CNTN4: variants seen among roughly 807,000 people sequenced by gnomAD.
The protein encoded by CNTN4 is contactin-4.
CNTN4 carries 77 observed loss-of-function variants against 122.5 expected under a neutral mutation model. The observed-to-expected ratio is 0.63, with a 90% CI of 0.52 to 0.76. CNTN4 has a LOEUF of 0.76. Ranked by LOEUF, CNTN4 falls within the 30% of genes least tolerant of loss-of-function variation. CNTN4 has a pLI of 0.00. For missense variants in CNTN4, 1,256 were observed against 1,259.1 expected, an observed-to-expected ratio of 1.00 and a Z score of 0.04; for synonymous variants, 512 against 447.0, an observed-to-expected ratio of 1.15 and a Z score of -1.83.
At chr3:2,756,266 T>G (rs765804955) in intron 6 of CNTN4, among the ~76,000 whole-genome samples, 1 of 152,212 alleles carries the variant, frequency 6.6e-6, no homozygotes, top group Non-Finnish European at 1.5e-5. Flanking sequence ...TGTGATCATA[T>G]GAGGAGGTGG....
intron 2 of CNTN4, among the ~76,000 whole-genome samples, chr3:2,304,458 A>G (rs2042632615): frequency 6.6e-6 from 1 of 152,152 alleles, no homozygotes; most frequent in Non-Finnish European, 1.5e-5. Flanking sequence ...TAGTACTTTT[A>G]AAAATTTTAC....
At chr3:2,452,910 C>A (rs2048880169) in intron 3 of CNTN4, among the ~76,000 whole-genome samples, 1 of 152,056 alleles carries the variant, frequency 6.6e-6, no homozygotes, top group Non-Finnish European at 1.5e-5. Flanking sequence ...TAAAAAATCA[C>A]CTTTTTTTGT....
rs192222193 is a variant in CNTN4, at chr3:2,398,232, A to G, written c.-89+58999A>G. The stretch of plus-strand genomic sequence containing the variant: ...TTAAAGAATAGGATTTATATCCAAA[A>G]AGTTTCCTGAAATAAATAGATTGTG... On this transcript the variant is annotated intron_variant, in intron 3 of 24. Transcript: ENST00000418658. Among the ~76,000 whole-genome samples the G allele has an allele frequency of 2.7e-3, 412 of 152,262 alleles. 4 individuals are homozygous for G. The highest frequency in any genetic ancestry group is 9.1e-3 in the African/African-American group (379 of 41,572).
intron 3 of CNTN4, among the ~76,000 whole-genome samples, chr3:2,423,397 A>G (rs1489730399): frequency 6.6e-6 from 1 of 152,116 alleles, no homozygotes; most frequent in Admixed American, 6.6e-5. Context: ...GCGTTTAATG[A>G]ACATTGATCA....
chr3:2,293,287 T>C (rs1053533138), intron 2 of CNTN4, among the ~76,000 whole-genome samples: 1 of 152,250 alleles, frequency 6.6e-6, no homozygotes, highest in Non-Finnish European at 1.5e-5. Flanking sequence ...TACTATCTTA[T>C]ACTGTGACCC....
Position 2,370,697 on chromosome 3 carries a change from G to A in CNTN4, c.-89+31464G>A, listed in dbSNP as rs149332037. Among the ~76,000 whole-genome samples the A allele has an allele frequency of 9.5e-4, 144 of 152,290 alleles. 1 individual carries two copies. Among genetic ancestry groups the A allele is most frequent in the African/African-American group, 3.3e-3 (139 of 41,564 alleles). ...AGGTATCCTCTGATATTTTGTGTAA[G>A]TGAATGTGTTACTTATTGTTAACCA... On this transcript the variant is annotated intron_variant, in intron 3 of 24. Transcript: ENST00000418658.
intron 2 of CNTN4, among the ~76,000 whole-genome samples, chr3:2,140,293 G>A (rs1378661894): frequency 6.6e-6 from 1 of 152,174 alleles, no homozygotes; most frequent in African/African-American, 2.4e-5. Context: ...GGATTGATGA[G>A]AAAACAGAGC....
chr3:2,742,606 C>G (rs1210220097), intron 5 of CNTN4, among the ~76,000 whole-genome samples: 3 of 151,994 alleles, frequency 2.0e-5, no homozygotes, highest in South Asian at 4.1e-4. Context: ...ATTTTACCCT[C>G]CAGAGTGTCA....
At chr3:2,735,560 T>G (rs149613537) in intron 4 of CNTN4, among the ~76,000 whole-genome samples, 41 of 152,354 alleles carry the variant, frequency 2.7e-4, no homozygotes, top group Non-Finnish European at 4.4e-4. Flanking sequence ...TGGGCGTTAC[T>G]GAGTCATCTG....
intron 12 of CNTN4, among the ~76,000 whole-genome samples, chr3:2,906,490 T>A (rs144559759): frequency 9.6e-4 from 146 of 151,556 alleles, no homozygotes; most frequent in South Asian, 2.1e-3. Flanking sequence ...ATAAAAAAAA[T>A]AAAAATTTTG....
chr3:2,716,657 A>C (rs1277821847), intron 4 of CNTN4, among the ~76,000 whole-genome samples: 1 of 152,196 alleles, frequency 6.6e-6, no homozygotes, highest in East Asian at 1.9e-4. Flanking sequence ...TAGTAGTTTT[A>C]AAATGTATAA....
At chr3:2,882,796 G>C (rs898518436) in intron 8 of CNTN4, 4 of 241,026 alleles carry the variant, frequency 1.7e-5, no homozygotes, top group Admixed American at 1.0e-4. Flanking sequence ...TTTTTCTGCA[G>C]TATACTTCCA....
chr3:2,676,432 G>T (rs1371696008), intron 4 of CNTN4, among the ~76,000 whole-genome samples: 6 of 152,218 alleles, frequency 3.9e-5, no homozygotes, highest in African/African-American at 1.2e-4. Flanking sequence ...ATGTTGGCCA[G>T]ACTGGCGTCA....
rs113302826 is a variant in CNTN4, at chr3:2,933,101, T to C, written c.1358+7322T>C. Among the ~76,000 whole-genome samples the C allele has an allele frequency of 4.1e-4, 63 of 152,140 alleles. 1 individual carries two copies. Among genetic ancestry groups the C allele is most frequent in the Middle Eastern group, 3.4e-3 (1 of 294 alleles). On this transcript the variant is annotated intron_variant, in intron 13 of 24. Transcript: ENST00000418658. The stretch of plus-strand genomic sequence containing the variant: ...CCTCCCAAAGTGCTGGGATTACAGG[T>C]GTGAGCCACCGCGCCCGGCCCAGAT...
At chr3:2,617,419 CTTT>C (rs71058631) in intron 4 of CNTN4, among the ~76,000 whole-genome samples, 4 of 108,524 alleles carry the variant, frequency 3.7e-5, no homozygotes, top group Admixed American at 1.2e-4. Context: ...AGAGAAATGC[CTTT>C]TTTTTTTTTT....
rs58290160 is a variant in CNTN4 at position 3,003,684 on chromosome 3, CAAAAAAAAAAAAAAAAA to C, written c.1486+15226_1486+15242del. On this transcript the variant is annotated intron_variant, in intron 14 of 24. Coordinates refer to ENST00000418658, the MANE Select transcript of CNTN4 (RefSeq NM_175607.3). ...AATTAGATAGTAGTCATGGTTGCAC[CAAAAAAAAAAAAAAAAA>C]AAAAAAAAAAAAACAAAAAAACCCC... Among the ~76,000 whole-genome samples, 144 of 77,000 alleles carry C rather than the reference CAAAAAAAAAAAAAAAAA, an allele frequency of 1.9e-3. 5 individuals are homozygous for C. Among genetic ancestry groups the C allele is most frequent in the African/African-American group, 5.3e-4 (13 of 24,716 alleles). The allele number at this position is 77,000 out of a possible 152,430, so 50.5% of individuals were successfully genotyped here.
intron 6 of CNTN4, among the ~76,000 whole-genome samples, chr3:2,781,458 G>T (rs1404865912): frequency 4.9e-5 from 7 of 142,956 alleles, no homozygotes; most frequent in African/African-American, 2.0e-4. Context: ...ACTCTTTGAA[G>T]AGATATTATT....
chr3:2,529,030 T>C (rs2077500978), intron 3 of CNTN4, among the ~76,000 whole-genome samples: 1 of 152,112 alleles, frequency 6.6e-6, no homozygotes, highest in Non-Finnish European at 1.5e-5. Flanking sequence ...CGTACAGTGC[T>C]ATGGAACAGT....
At chr3:2,930,991 T>C (rs1002395002) in intron 13 of CNTN4, among the ~76,000 whole-genome samples, 1 of 152,228 alleles carries the variant, frequency 6.6e-6, no homozygotes, top group African/African-American at 2.4e-5. Context: ...TTGTATTTTA[T>C]GTCTGTGGAG....
Sources: gnomAD v4.1 joint callset for allele counts (sites outside exome capture counted in the v4.1 genomes callset) on GRCh38, gnomAD v4.1.1 for gene constraint, MANE v1.5 for transcripts, NCBI Gene and HGNC (gene_info 2026-07-23, HGNC 2026-07-21) for gene names.